SMG1: variants seen among roughly 807,000 people sequenced by gnomAD.
SMG1 encodes SMG1 nonsense mediated mRNA decay associated PI3K related kinase.
In SMG1, 22 loss-of-function variants were observed where a neutral mutation model predicts 419.9. The ratio of observed to expected loss-of-function variants is 0.05; its 90% CI spans 0.04 to 0.07. SMG1 has a LOEUF of 0.07. Ranked by LOEUF, SMG1 falls within the 10% of genes least tolerant of loss-of-function variation. SMG1 has a pLI of 1.00. For missense variants in SMG1, 3,185 were observed against 4,342.0 expected, an observed-to-expected ratio of 0.73 and a Z score of 7.49; for synonymous variants, 1,538 against 1,553.5, an observed-to-expected ratio of 0.99 and a Z score of 0.23.
At position 18,834,191 on chromosome 16, in the gene SMG1, TAA is replaced by T. The variant is rs768650294; in HGVS notation, c.8565+11_8565+12del. 6.5e-6 allele frequency: 10 copies of T among 1,533,654 alleles called. No individual in the cohort carries two copies. The highest frequency in any genetic ancestry group is 1.4e-5 in the African/African-American group (1 of 72,600). On this transcript the variant is annotated intron_variant, in intron 50 of 62. Transcript: ENST00000446231. Reference sequence around the variant, plus strand: ...ATCTAAAACAAACTAATATTTAAAATAAAAGTGTTCACCTGAAGTGAGGTATA... The same window carrying T: ...ATCTAAAACAAACTAATATTTAAAATAAGTGTTCACCTGAAGTGAGGTATA...
chr16:18,845,271 T>A (rs2034192458), intron 39 of SMG1, among the ~76,000 whole-genome samples, 158 bp downstream of exon 39: 1 of 152,162 alleles, frequency 6.6e-6, no homozygotes, highest in East Asian at 1.9e-4. Flanking sequence ...ACAGAAACAC[T>A]TTTTTCTATG....
chr16:18,907,044 G>A (rs186602683), intron 1 of SMG1, among the ~76,000 whole-genome samples: 23 of 152,182 alleles, frequency 1.5e-4, no homozygotes, highest in African/African-American at 4.8e-4. Flanking sequence ...AGCACTTTGG[G>A]AGGCTGAGGC....
At chr16:18,814,048 T>TAAAAA (rs2031740466) in intron 60 of SMG1, among the ~76,000 whole-genome samples, 2 of 91,014 alleles carry the variant, frequency 2.2e-5, no homozygotes, top group South Asian at 3.4e-4. Context: ...AAAAAAAAAT[T>TAAAAA]AAATTAAATT....
At chr16:18,891,606 G>C (rs1315177984) in intron 4 of SMG1, among the ~76,000 whole-genome samples, 1 of 151,948 alleles carries the variant, frequency 6.6e-6, no homozygotes, top group Non-Finnish European at 1.5e-5. Flanking sequence ...AGCTAACTTT[G>C]TCTTTTTAGT....
chr16:18,827,085 C>G (rs933646041), intron 55 of SMG1, among the ~76,000 whole-genome samples: 2 of 151,904 alleles, frequency 1.3e-5, no homozygotes, highest in Non-Finnish European at 2.9e-5. Flanking sequence ...ACTCCTGGTT[C>G]AAAATATACC....
rs1417931040 is a variant in SMG1 at position 18,829,526 on chromosome 16, T to C, written c.9363A>G (p.Val3121=). Residue 3121 remains valine, a synonymous_variant, in exon 54 of 63, where the codon GTA becomes GTG. Transcript: ENST00000446231. ...SALGVDIIAQ[V]EAKDFGAESK... ...TTTCGGCACCAAAGTCCTTTGCCTC[T>C]ACTTGAGCAATGATGTCTACACCCA... 6.2e-7 allele frequency: 1 copy of C among 1,614,022 alleles called. No individual in the cohort carries two copies. Among genetic ancestry groups the C allele is most frequent in the Non-Finnish European group, 8.5e-7 (1 of 1,179,882 alleles).
At chr16:18,877,779 G>A (rs2036205366) in intron 11 of SMG1, 2 of 152,714 alleles carry the variant, frequency 1.3e-5, no homozygotes, top group African/African-American at 4.8e-5. Flanking sequence ...TATATTTTAA[G>A]GCCTTAATAC....
At chr16:18,872,135 G>C in intron 15 of SMG1, 49 bp downstream of exon 15, 1 of 1,128,976 alleles carries the variant, frequency 8.9e-7, no homozygotes. Context: ...AAATTATAAA[G>C]GCAAATTAAC....
rs778701201 is a variant in SMG1, at chr16:18,850,133, G to A, written c.5284-7C>T. ...CATCCTCATCTAAAGGAATCTAAGA[G>A]TGAAAGATGAGGGGAATAAATAAGA... On this transcript the variant is annotated splice_region_variant and splice_polypyrimidine_tract_variant and intron_variant, in intron 34 of 62. Coordinates refer to ENST00000446231, the MANE Select transcript of SMG1 (RefSeq NM_015092.5). The A allele has an allele frequency of 6.2e-7, 1 of 1,609,186 alleles. No individual in the cohort carries two copies. The highest frequency in any genetic ancestry group is 8.5e-7 in the Non-Finnish European group (1 of 1,177,348).
chr16:18,901,375 T>C (rs2037340078), intron 1 of SMG1, among the ~76,000 whole-genome samples: 1 of 151,558 alleles, frequency 6.6e-6, no homozygotes, highest in Non-Finnish European at 1.5e-5. Context: ...TTAGCTAATT[T>C]TTTATTTTTA....
rs770102191 is a variant in SMG1 at position 18,884,179 on chromosome 16, A to T, written c.1022-12T>A. The T allele has an allele frequency of 4.2e-6, 6 of 1,418,404 alleles. No homozygotes were observed. The highest frequency in any genetic ancestry group is 4.6e-5 in the East Asian group (2 of 43,596). 87.9% of individuals were successfully genotyped at this position (1,418,404 alleles called of 1,614,324 possible). A position where few individuals can be genotyped will look rare whatever the true frequency, so the allele number is the denominator to read the frequency against. ...ACTCTGCAACCACCCTTGGAATCGT[A>T]TAAGAAATTGTGAAAGGGTAGGGGG... is the stretch of plus-strand genomic sequence containing the variant. On this transcript the variant is annotated splice_polypyrimidine_tract_variant and intron_variant, in intron 8 of 62. Transcript: ENST00000446231.
intron 6 of SMG1, among the ~76,000 whole-genome samples, chr16:18,888,411 T>C (rs553645164): frequency 1.2e-4 from 18 of 151,498 alleles, no homozygotes; most frequent in African/African-American, 3.6e-4. Flanking sequence ...ATTTTCAAAT[T>C]TGCAAATCAT....
Position 18,858,212 on chromosome 16 carries a change from T to G in SMG1, c.4192A>C (p.Arg1398=). 1.2e-6 allele frequency: 2 copies of G among 1,601,266 alleles called. No individual in the cohort carries two copies. Among genetic ancestry groups the G allele is most frequent in the South Asian group, 1.1e-5 (1 of 88,894 alleles). The change falls in exon 29 of 63, where the codon AGG becomes CGG. Residue 1398 remains arginine, a synonymous_variant. Coordinates refer to ENST00000446231, the MANE Select transcript of SMG1 (RefSeq NM_015092.5). ...AACTGATTCTGGTACATAGTATACC[T>G]TAATGCCTGCATCCATGGCCTCACG... is the stretch of plus-strand genomic sequence containing the variant. ...HDVRPWMQAL[R]YTMYQNQLLE... is the part of the protein sequence containing the mutation.
intron 1 of SMG1, among the ~76,000 whole-genome samples, chr16:18,910,863 C>T (rs879447131): frequency 6.6e-6 from 1 of 152,122 alleles, no homozygotes; most frequent in Non-Finnish European, 1.5e-5. Context: ...ATATACACAG[C>T]CATACACACT....
chr16:18,842,585 GA>G, intron 39 of SMG1, 131 bp from the exon 40 acceptor site: 1 of 844,992 alleles, frequency 1.2e-6, no homozygotes, highest in Non-Finnish European at 1.8e-6. Flanking sequence ...AGCACTTTGG[GA>G]GGCCGAGGTA....
rs1306141256 is a variant in SMG1 at position 18,859,668 on chromosome 16, C to T, written c.3841G>A (p.Asp1281Asn). 1.2e-6 allele frequency: 2 copies of T among 1,611,904 alleles called. No homozygotes were observed. Among genetic ancestry groups the T allele is most frequent in the African/African-American group, 2.7e-5 (2 of 74,940 alleles). Reference protein sequence around the residue: ...KKLLPNMLSPDPRELQKSIEV... With the variant: ...KKLLPNMLSPNPRELQKSIEV... ...ATGGATTTCTGAAGTTCCCTCGGATCCGGACTTAACATGTTAGGAAGCAGT... is the reference window on the plus strand; with the variant it reads ...ATGGATTTCTGAAGTTCCCTCGGATTCGGACTTAACATGTTAGGAAGCAGT... Residue 1281 changes from aspartate to asparagine, a missense_variant, in exon 27 of 63, where the codon GAT becomes AAT. By Grantham distance (23) the Asp-to-Asn change is conservative. Around this residue, in one of 27 missense-constraint regions of SMG1, gnomAD observed 120 missense variants for 193.3 expected, o/e 0.62. Transcript: ENST00000446231.
chr16:18,858,341 T>C (rs1454926338), intron 28 of SMG1, 51 bp from the exon 29 acceptor site: 2 of 1,542,348 alleles, frequency 1.3e-6, no homozygotes, highest in African/African-American at 1.4e-5. Context: ...TGTTGATATG[T>C]TTGCAGATAT....
intron 13 of SMG1, among the ~76,000 whole-genome samples, chr16:18,873,666 G>A (rs1028982727): frequency 2.6e-5 from 4 of 152,196 alleles, no homozygotes; most frequent in Non-Finnish European, 5.9e-5. Context: ...ATAGTTTGCC[G>A]ATCTCTGGTC....
chr16:18,820,211 G>A (rs149526339), intron 55 of SMG1, among the ~76,000 whole-genome samples: 251 of 151,544 alleles, frequency 1.7e-3, no homozygotes, highest in African/African-American at 5.7e-3. Context: ...TGATCCACCC[G>A]CCTCGGCCTC....
Sources: gnomAD v4.1 joint callset for allele counts (sites outside exome capture counted in the v4.1 genomes callset) on GRCh38, gnomAD v4.1.1 for gene constraint, gnomAD v4.1.1 regional missense constraint, MANE v1.5 for transcripts, NCBI Gene and HGNC (gene_info 2026-07-23, HGNC 2026-07-21) for gene names.